KATNAL2: variants seen among roughly 807,000 people sequenced by gnomAD.
The protein encoded by KATNAL2 is katanin catalytic subunit A1 like 2, also known as katanin p60 ATPase-containing subunit A-like 2.
A neutral mutation model predicts 76.3 loss-of-function variants in KATNAL2; 52 were observed. That is an observed-to-expected ratio of 0.68 (90% CI 0.55 to 0.86). The LOEUF (loss-of-function observed/expected upper bound fraction) is 0.86. KATNAL2 is among the 40% of genes least tolerant of loss of function. The pLI, the probability that KATNAL2 is intolerant of heterozygous loss-of-function variation, is 0.00. For synonymous variants in KATNAL2, 243 were observed against 244.2 expected (o/e 1.00, Z 0.05); for missense variants, 660 against 668.9 (o/e 0.99, Z 0.15).
chr18:47,091,282 G>C (rs1205377855), intron 15 of KATNAL2: 1 of 152,228 alleles, frequency 6.6e-6, no homozygotes, highest in Non-Finnish European at 1.5e-5. Flanking sequence ...CAGTGGGCCT[G>C]GGTCCAGTGG....
chr18:47,100,432 G>A (rs188472887), intron 17 of KATNAL2, 76 bp downstream of exon 17: 326 of 1,211,804 alleles, frequency 2.7e-4, no homozygotes, highest in Admixed American at 4.3e-4. Flanking sequence ...GGAGCCTGGC[G>A]CCTGTTCTTG....
Position 47,059,538 on chromosome 18 carries a change from TTG to T in KATNAL2, c.451-16_451-15del. On this transcript the variant is annotated splice_polypyrimidine_tract_variant and intron_variant, in intron 7 of 17. Transcript: ENST00000683218. ...ATGGCTGCTCACAGCCGATGTGTCC[TTG>T]TCTCTCTTTCTTCAGGAGGTAGTTG... is the stretch of plus-strand genomic sequence containing the variant. 1.3e-6 allele frequency: 2 copies of T among 1,559,914 alleles called. No homozygotes were observed. Among genetic ancestry groups the T allele is most frequent in the Non-Finnish European group, 1.8e-6 (2 of 1,130,806 alleles).
At chr18:47,071,805 G>GA (rs2062010497) in intron 13 of KATNAL2, among the ~76,000 whole-genome samples, 1 of 151,044 alleles carries the variant, frequency 6.6e-6, no homozygotes, top group Non-Finnish European at 1.5e-5. Flanking sequence ...TCCTGTGTGA[G>GA]CATTGTATTT....
intron 11 of KATNAL2, among the ~76,000 whole-genome samples, chr18:47,067,365 A>T (rs1351793146): frequency 1.3e-5 from 2 of 152,166 alleles, no homozygotes; most frequent in Non-Finnish European, 2.9e-5. Context: ...AAAATCTAAG[A>T]CCATAGTATA....
intron 15 of KATNAL2, among the ~76,000 whole-genome samples, chr18:47,078,148 A>G (rs1441337645): frequency 2.0e-5 from 3 of 152,206 alleles, no homozygotes; most frequent in Non-Finnish European, 2.9e-5. Context: ...TGTTCTTCCC[A>G]TTCTCAGAGG....
At chr18:47,079,802 ATAGAT>A (rs2062422056) in intron 15 of KATNAL2, among the ~76,000 whole-genome samples, 1 of 152,182 alleles carries the variant, frequency 6.6e-6, no homozygotes, top group Non-Finnish European at 1.5e-5. Context: ...TAAAGGTTAG[ATAGAT>A]TATATTCAGG....
intron 6 of KATNAL2, among the ~76,000 whole-genome samples, chr18:47,057,263 G>T (rs1170275863): frequency 2.0e-5 from 3 of 152,150 alleles, no homozygotes; most frequent in Admixed American, 2.0e-4. Context: ...TCACATATGG[G>T]GACAAAAGTG....
intron 3 of KATNAL2, among the ~76,000 whole-genome samples, chr18:47,032,358 C>G (rs1040745341): frequency 3.2e-4 from 49 of 152,294 alleles, no homozygotes; most frequent in African/African-American, 1.2e-3. Context: ...GCAATCCTGC[C>G]ACCTCAGCCC....
intron 1 of KATNAL2, chr18:46,920,022 A>G: frequency 1.6e-6 from 2 of 1,277,646 alleles, no homozygotes; most frequent in South Asian, 1.2e-5. Context: ...AACACAAAAC[A>G]GTAAGAAAAG....
At chr18:47,035,293 C>A in intron 3 of KATNAL2, 3 of 1,611,834 alleles carry the variant, frequency 1.9e-6, no homozygotes, top group Non-Finnish European at 1.7e-6. Flanking sequence ...GCGTCGCTGT[C>A]CCGGCGGTCG....
intron 15 of KATNAL2, among the ~76,000 whole-genome samples, chr18:47,094,212 A>G (rs2147388789): frequency 6.6e-6 from 1 of 152,306 alleles, no homozygotes; most frequent in South Asian, 2.1e-4. Context: ...AGCAGAGGCC[A>G]GCCTCTCACC....
At chr18:47,090,396 C>T (rs779226019) in intron 15 of KATNAL2, among the ~76,000 whole-genome samples, 4 of 152,108 alleles carry the variant, frequency 2.6e-5, no homozygotes, top group South Asian at 4.1e-4. Context: ...CAGGAGCCAC[C>T]GCGCCCAGCC....
chr18:47,084,362 A>C (rs1205517560), intron 15 of KATNAL2: 1 of 702,936 alleles, frequency 1.4e-6, no homozygotes, highest in East Asian at 2.7e-5. Flanking sequence ...CTCCAGGAAG[A>C]AGCTGTCCTC....
chr18:47,035,347 C>G (rs1286517914), intron 3 of KATNAL2: 5 of 1,599,538 alleles, frequency 3.1e-6, no homozygotes, highest in South Asian at 2.2e-5. Context: ...CTGGGGTGGC[C>G]GGTCCTCGCT....
intron 1 of KATNAL2, chr18:46,920,080 C>T (rs1351484310): frequency 7.8e-7 from 1 of 1,289,738 alleles, no homozygotes; most frequent in East Asian, 5.5e-5. Context: ...TTTGTAGTTG[C>T]TTCCCAGCAT....
chr18:47,067,916 G>A (rs182202435), intron 11 of KATNAL2, among the ~76,000 whole-genome samples: 4 of 152,326 alleles, frequency 2.6e-5, no homozygotes, highest in Non-Finnish European at 5.9e-5. Context: ...AAAAGATGGA[G>A]AGACTGAAAA....
chr18:46,922,286 CAG>C (rs1043299684), intron 1 of KATNAL2, among the ~76,000 whole-genome samples: 6 of 151,770 alleles, frequency 4.0e-5, no homozygotes, highest in Non-Finnish European at 7.4e-5. Context: ...TTTGTAGAGA[CAG>C]GGTTTCACCA....
chr18:47,059,624 C>G lies in KATNAL2; in HGVS notation c.519C>G (p.Asp173Glu), dbSNP rs775810443. Reference protein sequence around the residue: ...FGLHISRIRKDSGEENAHPRR... With the variant: ...FGLHISRIRKESGEENAHPRR... Reference sequence around the variant, plus strand: ...TACATATATCAAGAATCCGTAAAGACAGTGGAGAGGAAAATGCCCACCCAC... The same window carrying G: ...TACATATATCAAGAATCCGTAAAGAGAGTGGAGAGGAAAATGCCCACCCAC... Residue 173 changes from aspartate (D) to glutamate (E), a missense_variant, in exon 8 of 18, where the codon GAC (aspartate) becomes GAG (glutamate). Coordinates refer to ENST00000683218, the MANE Select transcript of KATNAL2 (RefSeq NM_001387690.1). The G allele has an allele frequency of 6.2e-7, 1 of 1,613,564 alleles. No homozygotes were observed. Among genetic ancestry groups the G allele is most frequent in the Non-Finnish European group, 8.5e-7 (1 of 1,179,480 alleles).
intron 6 of KATNAL2, among the ~76,000 whole-genome samples, chr18:47,056,527 G>A (rs1380196547): frequency 6.6e-6 from 1 of 152,140 alleles, no homozygotes; most frequent in Non-Finnish European, 1.5e-5. Flanking sequence ...CCCTCTAAAG[G>A]GCGATTGGGC....
Sources: gnomAD v4.1 joint callset for allele counts (sites outside exome capture counted in the v4.1 genomes callset) on GRCh38, gnomAD v4.1.1 for gene constraint, MANE v1.5 for transcripts, NCBI Gene and HGNC (gene_info 2026-07-23, HGNC 2026-07-21) for gene names.